CNR2: variants seen among roughly 807,000 people sequenced by gnomAD.
CNR2 encodes cannabinoid receptor 2.
For synonymous variants in CNR2, 172 were observed against 182.2 expected, an observed-to-expected ratio of 0.94 and a Z score of 0.45; for missense variants, 379 against 439.9, an observed-to-expected ratio of 0.86 and a Z score of 1.24.
At chr1:23,895,875 G>T (rs911057582) in intron 1 of CNR2, among the ~76,000 whole-genome samples, 3 of 152,034 alleles carry the variant, frequency 2.0e-5, no homozygotes, top group African/African-American at 7.2e-5. Context: ...CTCTGCATAG[G>T]GTGAGGGGCC....
chr1:23,910,122 A>ATT (rs34885370), intron 1 of CNR2, among the ~76,000 whole-genome samples: 3,552 of 120,314 alleles, frequency 0.03, 174 homozygotes, highest in African/African-American at 0.044. Context: ...CTAATTTTTA[A>ATT]TTTTTTTTTT....
intron 1 of CNR2, among the ~76,000 whole-genome samples, chr1:23,884,389 T>C (rs1640050699): frequency 6.7e-6 from 1 of 149,952 alleles, no homozygotes; most frequent in Non-Finnish European, 1.5e-5. Context: ...CACTGCAGCC[T>C]CTGCCTCCTG....
At chr1:23,877,331 T>C (rs1639902087) in intron 1 of CNR2, among the ~76,000 whole-genome samples, 1 of 152,156 alleles carries the variant, frequency 6.6e-6, no homozygotes, top group Non-Finnish European at 1.5e-5. Flanking sequence ...CTGAAAAGCA[T>C]TGATCTAGAA....
intron 1 of CNR2, among the ~76,000 whole-genome samples, chr1:23,904,178 G>T (rs142220790): frequency 4.1e-3 from 538 of 132,516 alleles, no homozygotes; most frequent in Non-Finnish European, 6.8e-3. Flanking sequence ...TCGTTTCATT[G>T]TTTTTTTTTT....
At chr1:23,881,814 T>C (rs1424327084) in intron 1 of CNR2, among the ~76,000 whole-genome samples, 3 of 149,268 alleles carry the variant, frequency 2.0e-5, no homozygotes, top group Non-Finnish European at 4.5e-5. Flanking sequence ...CGCTTGAACT[T>C]GGGAAGGCGG....
At chr1:23,878,631 G>T (rs990115179) in intron 1 of CNR2, among the ~76,000 whole-genome samples, 1 of 152,082 alleles carries the variant, frequency 6.6e-6, no homozygotes, top group African/African-American at 2.4e-5. Flanking sequence ...TGCCCACCTC[G>T]GCCTCCCAAA....
Position 23,870,717 on chromosome 1 carries a change from A to G in CNR2, c.*3818T>C, listed in dbSNP as rs2148452847. The G allele has an allele frequency of 6.6e-6, 1 of 152,328 alleles. No individual in the cohort carries two copies. The highest frequency in any genetic ancestry group is 2.1e-4 in the South Asian group (1 of 4,832). 9.4% of individuals were successfully genotyped at this position (152,328 alleles called of 1,614,324 possible). A position where few individuals can be genotyped will look rare whatever the true frequency, so the allele number is the denominator to read the frequency against. ...ACCTAGGTTTGTTGCACTGGACACC[A>G]TCTCGTTTGTCTCCCTGAGCAAGTC... On this transcript the variant is annotated 3_prime_UTR_variant, in exon 2 of 2. Transcript: ENST00000374472.
At chr1:23,896,186 CT>C (rs942537686) in intron 1 of CNR2, among the ~76,000 whole-genome samples, 14 of 152,082 alleles carry the variant, frequency 9.2e-5, no homozygotes, top group African/African-American at 2.7e-4. Flanking sequence ...GACTTTAGTC[CT>C]TTCCCCACCT....
chr1:23,875,054 A>G lies in CNR2; in HGVS notation c.564T>C (p.Asn188=), dbSNP rs1447929681. Residue 188 remains asparagine, a synonymous_variant, in exon 2 of 2, where the codon AAT becomes AAC. Coordinates refer to ENST00000374472, the MANE Select transcript of CNR2 (RefSeq NM_001841.3). ...ACAGGAGCCAGCTCAGCAGGTAGTC[A>G]TTGGGGATCAGTGGGAAAAGCTCAG... ...PCSELFPLIP[N]DYLLSWLLFI... is the part of the protein sequence containing the mutation. 4.0e-5 allele frequency: 64 copies of G among 1,604,662 alleles called. No individual in the cohort carries two copies. The highest frequency in any genetic ancestry group is 5.4e-5 in the Non-Finnish European group (63 of 1,175,772).
intron 1 of CNR2, among the ~76,000 whole-genome samples, chr1:23,894,284 G>A (rs560031756): frequency 4.6e-5 from 7 of 151,984 alleles, no homozygotes; most frequent in East Asian, 1.9e-4. Flanking sequence ...GTAACTGGGC[G>A]TTGTGGCTCG....
chr1:23,898,228 A>G (rs1337434748), intron 1 of CNR2, among the ~76,000 whole-genome samples: 2 of 151,160 alleles, frequency 1.3e-5, no homozygotes, highest in East Asian at 2.0e-4. Context: ...TAGTAGACAC[A>G]GGGTTTCACC....
chr1:23,905,241 G>A (rs997019946), intron 1 of CNR2, among the ~76,000 whole-genome samples: 1 of 148,786 alleles, frequency 6.7e-6, no homozygotes, highest in African/African-American at 2.5e-5. Context: ...CTGGAGTGTA[G>A]TGCATCTCGG....
In CNR2 at chr1:23,874,917, A is replaced by T; in HGVS notation, c.701T>A (p.Met234Lys). 1 of 1,613,732 alleles carries T rather than the reference A, an allele frequency of 6.2e-7. No individual in the cohort carries two copies. Among genetic ancestry groups the T allele is most frequent in the African/African-American group, 1.3e-5 (1 of 75,054 alleles). Residue 234 changes from methionine (M) to lysine (K), a missense_variant, in exon 2 of 2, where the codon ATG becomes AAG. By Grantham distance (95) the Met-to-Lys change is moderately conservative (BLOSUM62 -1). Coordinates refer to ENST00000374472, the MANE Select transcript of CNR2 (RefSeq NM_001841.3). ...SGHQDRQVPG[M>K]ARMRLDVRLA... ...CCTCACATCCAGCCTCATTCGGGCC[A>T]TTCCTGGCACCTGCCTGTCCTGGTG...
At chr1:23,894,361 C>T (rs1020804684) in intron 1 of CNR2, among the ~76,000 whole-genome samples, 11 of 151,818 alleles carry the variant, frequency 7.2e-5, no homozygotes, top group African/African-American at 2.7e-4. Context: ...GTGGAGGTTG[C>T]ACTGAGCTGA....
At position 23,874,698 on chromosome 1, in the gene CNR2, C is replaced by A. The variant is rs148656213; in HGVS notation, c.920G>T (p.Arg307Leu). The change falls in exon 2 of 2, where the codon CGC (arginine) becomes CTC (leucine). Residue 307 changes from arginine to leucine, a missense_variant. Arg to Leu is a moderately radical substitution (Grantham distance 102). Transcript: ENST00000374472. ...AGCCAGGCAGTGATGGGCAGAGGAG[C>A]GGATCTCTCCACTCCGTAGAGCATA... ...VIYALRSGEIRSSAHHCLAHW... is the reference protein window; with the variant it reads ...VIYALRSGEILSSAHHCLAHW... 6.2e-7 allele frequency: 1 copy of A among 1,613,894 alleles called. No homozygotes were observed. Among genetic ancestry groups the A allele is most frequent in the East Asian group, 2.2e-5 (1 of 44,878 alleles).
At chr1:23,879,678 T>C (rs1325207640) in intron 1 of CNR2, among the ~76,000 whole-genome samples, 1 of 151,810 alleles carries the variant, frequency 6.6e-6, no homozygotes, top group Admixed American at 6.6e-5. Flanking sequence ...AAGAAAGAGA[T>C]GAATAGAGTT....
intron 1 of CNR2, among the ~76,000 whole-genome samples, chr1:23,899,942 GAAAGAGAAAGA>G (rs1557532709): frequency 5.4e-4 from 3 of 5,586 alleles, no homozygotes; most frequent in East Asian, 0.042. Flanking sequence ...AGAAAGAAAG[GAAAGAGAAAGA>G]AAGGAAAGAA....
intron 1 of CNR2, among the ~76,000 whole-genome samples, chr1:23,892,540 C>G (rs929817894): frequency 7.2e-5 from 11 of 152,230 alleles, no homozygotes; most frequent in Non-Finnish European, 1.5e-4. Context: ...AGACCCACTT[C>G]TGTGCTTCTT....
chr1:23,881,081 G>C (rs1048049225), intron 1 of CNR2, among the ~76,000 whole-genome samples: 1 of 151,112 alleles, frequency 6.6e-6, no homozygotes, highest in African/African-American at 2.4e-5. Flanking sequence ...TTAGAGACCA[G>C]CCTGGCCAAC....
Sources: allele counts gnomAD v4.1 joint callset (sites outside exome capture counted in the v4.1 genomes callset), GRCh38; gene constraint gnomAD v4.1.1; transcripts MANE v1.5; gene names NCBI Gene and HGNC (gene_info 2026-07-23, HGNC 2026-07-21).